SOD2: variants seen among roughly 807,000 people sequenced by gnomAD.
The protein encoded by SOD2 is superoxide dismutase [Mn], mitochondrial.
Under a neutral mutation model 27.0 loss-of-function variants are expected in SOD2, and 11 were observed. The ratio of observed to expected loss-of-function variants is 0.41; its 90% CI spans 0.26 to 0.67. The LOEUF is 0.67. Ranked by LOEUF, SOD2 falls within the 30% of genes least tolerant of loss-of-function variation. SOD2 has a pLI of 0.34. For missense variants in SOD2, 250 were observed against 274.5 expected, an observed-to-expected ratio of 0.91 and a Z score of 0.63; for synonymous variants, 105 against 103.0, an observed-to-expected ratio of 1.02 and a Z score of -0.12.
intron 1 of SOD2, chr6:159,754,916 G>C: frequency 8.8e-7 from 1 of 1,141,150 alleles, no homozygotes; most frequent in African/African-American, 1.6e-5. Flanking sequence ...TTTTAGAATT[G>C]TATTTGTTTA....
upstream of SOD2, among the ~76,000 whole-genome samples, chr6:159,729,068 A>G (rs1397570273): frequency 6.6e-6 from 1 of 152,224 alleles, no homozygotes; most frequent in African/African-American, 2.4e-5. Context: ...AAGCTGGTAG[A>G]GATGAAACAC....
At chr6:159,732,886 A>ATAGTGTGTGTGTGTGT (rs146623701) in intron 1 of SOD2, among the ~76,000 whole-genome samples, 22 of 146,484 alleles carry the variant, frequency 1.5e-4, no homozygotes, top group African/African-American at 5.7e-4. Context: ...ATATATATAT[A>ATAGTGTGTGTGTGTGT]GTGTGTGTGT....
At chr6:159,758,608 T>C (rs1011622610) in intron 1 of SOD2, among the ~76,000 whole-genome samples, 1 of 152,228 alleles carries the variant, frequency 6.6e-6, no homozygotes, top group Non-Finnish European at 1.5e-5. Flanking sequence ...CCTGTGGTTA[T>C]AGTGAACACT....
chr6:159,716,308 C>T (rs1490743697), intron 1 of SOD2, among the ~76,000 whole-genome samples: 1 of 152,144 alleles, frequency 6.6e-6, no homozygotes. Flanking sequence ...AAGGTCATCC[C>T]GGACCCAGGG....
At chr6:159,710,233 G>A (rs994092232) in intron 1 of SOD2, among the ~76,000 whole-genome samples, 7 of 149,386 alleles carry the variant, frequency 4.7e-5, no homozygotes, top group Non-Finnish European at 1.0e-4. Context: ...CTGCACGTTC[G>A]TTGTGCACAT....
At chr6:159,683,023 C>A (rs1490628962) in intron 4 of SOD2, among the ~76,000 whole-genome samples, 1 of 152,170 alleles carries the variant, frequency 6.6e-6, no homozygotes, top group Non-Finnish European at 1.5e-5. Flanking sequence ...CCACTGAGAA[C>A]CTCCTCCAAA....
chr6:159,697,899 G>A (rs1442303088), upstream of SOD2, among the ~76,000 whole-genome samples: 1 of 152,188 alleles, frequency 6.6e-6, no homozygotes, highest in Non-Finnish European at 1.5e-5. Flanking sequence ...CAACACTTTG[G>A]GAGGCCGAGG....
intron 1 of SOD2, among the ~76,000 whole-genome samples, chr6:159,718,468 C>CAATCTACTG (rs1777965030): frequency 1.3e-5 from 2 of 152,002 alleles, no homozygotes. Flanking sequence ...ATTATGATAA[C>CAATCTACTG]AATCTACTGA....
At chr6:159,757,561 C>A (rs539720402) in intron 1 of SOD2, among the ~76,000 whole-genome samples, 74 of 151,962 alleles carry the variant, frequency 4.9e-4, no homozygotes, top group Middle Eastern at 6.8e-3. Flanking sequence ...TACAGGCGTG[C>A]GCCACCATGC....
upstream of SOD2, among the ~76,000 whole-genome samples, chr6:159,695,555 C>G (rs977362343): frequency 6.6e-6 from 1 of 152,120 alleles, no homozygotes; most frequent in African/African-American, 2.4e-5. Flanking sequence ...TGGAGTGCAG[C>G]GGCGTGATCA....
chr6:159,693,253 G>A (rs1407853616), upstream of SOD2: 61 of 1,310,518 alleles, frequency 4.7e-5, no homozygotes, highest in Non-Finnish European at 6.0e-5. Flanking sequence ...CCGCTCCTGC[G>A]CCGCCCGCGG....
At chr6:159,728,760 T>A (rs553437385), upstream of SOD2, among the ~76,000 whole-genome samples, 1 of 152,332 alleles carries the variant, frequency 6.6e-6, no homozygotes, top group Admixed American at 6.5e-5. Context: ...AAAGCTGGCT[T>A]GTGATAAGGT....
intron 1 of SOD2, among the ~76,000 whole-genome samples, chr6:159,710,129 G>T (rs1258768641): frequency 9.2e-6 from 1 of 108,782 alleles, no homozygotes; most frequent in Non-Finnish European, 1.8e-5. Context: ...TGGGGGGAGG[G>T]GGGCGGGATA....
At chr6:159,719,192 C>T (rs9365090) in intron 1 of SOD2, among the ~76,000 whole-genome samples, 46,865 of 151,696 alleles carry the variant, frequency 0.31, 7,373 homozygotes, top group East Asian at 0.4. Flanking sequence ...ATAAAAGGGA[C>T]CCCATAGAGC....
upstream of SOD2, among the ~76,000 whole-genome samples, chr6:159,696,611 T>C (rs1777425671): frequency 6.6e-6 from 1 of 152,092 alleles, no homozygotes; most frequent in Non-Finnish European, 1.5e-5. Context: ...TGAGCCACCA[T>C]GCCTGGCCCC....
chr6:159,732,622 G>A (rs1444518479), intron 1 of SOD2, among the ~76,000 whole-genome samples: 3 of 152,242 alleles, frequency 2.0e-5, no homozygotes, highest in Admixed American at 2.0e-4. Context: ...ATTACCTGAG[G>A]TGAGGAGTTC....
At chr6:159,735,071 A>G (rs950712745) in intron 1 of SOD2, among the ~76,000 whole-genome samples, 3 of 152,198 alleles carry the variant, frequency 2.0e-5, no homozygotes, top group African/African-American at 7.2e-5. Context: ...TTGAGATACA[A>G]AATATTTGGC....
intron 3 of SOD2, among the ~76,000 whole-genome samples, chr6:159,686,232 C>G (rs1036992470): frequency 6.6e-6 from 1 of 152,090 alleles, no homozygotes; most frequent in Non-Finnish European, 1.5e-5. Flanking sequence ...GAATGTGGTA[C>G]AGATTAAACA....
chr6:159,734,908 C>CT (rs537523295), intron 1 of SOD2, among the ~76,000 whole-genome samples: 2 of 151,026 alleles, frequency 1.3e-5, no homozygotes, highest in South Asian at 2.1e-4. Context: ...TTTTCTTTGT[C>CT]TTTTTTTTGT....
Sources: allele counts gnomAD v4.1 joint callset (sites outside exome capture counted in the v4.1 genomes callset), GRCh38; gene constraint gnomAD v4.1.1; transcripts MANE v1.5; gene names NCBI Gene and HGNC (gene_info 2026-07-23, HGNC 2026-07-21).